The following CDKAL1 variants were observed in gnomAD, a reference collection of about 807,000 sequenced individuals.
CDKAL1 encodes the protein threonylcarbamoyladenosine tRNA methylthiotransferase.
In CDKAL1, 32 loss-of-function variants were observed where a neutral mutation model predicts 68.2. The observed-to-expected ratio is 0.47, with a 90% CI of 0.35 to 0.63. CDKAL1 has a LOEUF of 0.63. CDKAL1 is among the 30% of genes least tolerant of loss of function. The probability of loss-of-function intolerance (pLI) is 0.00; values close to 1 mark genes in which losing one functional copy is unlikely to be tolerated. For synonymous variants in CDKAL1, 234 were observed against 244.3 expected (o/e 0.96, Z 0.39); for missense variants, 606 against 696.7 (o/e 0.87, Z 1.47).
In CDKAL1 at chr6:20,587,272, C is replaced by A. The variant is rs543926781; in HGVS notation, c.286+38567C>A. On this transcript the variant is annotated intron_variant, in intron 4 of 15. Transcript: ENST00000274695. ...AAAGTGCTGGGATTACAGGCATGAG[C>A]TACCACGCCTGGCCTCCTTCTTTTC... Among the ~76,000 whole-genome samples the A allele has an allele frequency of 1.8e-3, 277 of 152,264 alleles. 1 individual carries two copies. The highest frequency in any genetic ancestry group is 6.1e-3 in the African/African-American group (252 of 41,556).
At chr6:20,609,401 C>CATTT in intron 4 of CDKAL1, among the ~76,000 whole-genome samples, 1 of 49,782 alleles carries the variant, frequency 2.0e-5, no homozygotes, top group South Asian at 5.9e-4. Flanking sequence ...TCTTCTTCTT[C>CATTT]TTTTTTTTTT....
rs142524670 is a variant in CDKAL1, at chr6:20,596,873, C to T, written c.286+48168C>T. On this transcript the variant is annotated intron_variant, in intron 4 of 15. Coordinates refer to ENST00000274695, the MANE Select transcript of CDKAL1 (RefSeq NM_017774.3). ...CTGTTCCTCTAGGCACAGTCCCTCA[C>T]GGCTTCCCTTGGCTAGGGGAGGGAG... Among the ~76,000 whole-genome samples, 1,053 of 152,298 alleles carry T rather than the reference C, an allele frequency of 6.9e-3. 10 individuals carry two copies. The highest frequency in any genetic ancestry group is 0.012 in the Non-Finnish European group (795 of 68,034).
At chr6:20,618,225 G>T (rs774831348) in intron 4 of CDKAL1, among the ~76,000 whole-genome samples, 1 of 152,194 alleles carries the variant, frequency 6.6e-6, no homozygotes, top group Non-Finnish European at 1.5e-5. Flanking sequence ...CTTTTGAGAA[G>T]TGTCCGTTCA....
In CDKAL1 at chr6:20,539,866, G is replaced by A. The variant is rs1290140992; in HGVS notation, c.-6+4472G>A. 1.3e-5 allele frequency among the ~76,000 whole-genome samples: 2 copies of A among 152,268 alleles called. No individual in the cohort carries two copies. Among genetic ancestry groups the A allele is most frequent in the East Asian group, 1.9e-4 (1 of 5,184 alleles). ...TGAAAATGTTCTTGTAGAGTTTAAGGATAGAAGCAAGGATATTAGGGATTG... is the reference window on the plus strand; with the variant it reads ...TGAAAATGTTCTTGTAGAGTTTAAGAATAGAAGCAAGGATATTAGGGATTG... On this transcript the variant is annotated intron_variant, in intron 2 of 15. Coordinates refer to ENST00000274695, the MANE Select transcript of CDKAL1 (RefSeq NM_017774.3). This position sits in a 1 kb window ranked among gnomAD's most constrained non-coding sequence, Gnocchi z 4.3.
intron 10 of CDKAL1, among the ~76,000 whole-genome samples, chr6:20,976,922 T>C (rs1418665614): frequency 1.3e-5 from 2 of 152,242 alleles, no homozygotes; most frequent in Non-Finnish European, 2.9e-5. Context: ...TAGGTTAATT[T>C]CCAGATTTCA....
At chr6:20,612,712 G>C (rs1032453891) in intron 4 of CDKAL1, among the ~76,000 whole-genome samples, 1 of 151,828 alleles carries the variant, frequency 6.6e-6, no homozygotes, top group Non-Finnish European at 1.5e-5. Context: ...TTTGTTCCTG[G>C]TTTTCTTGCT....
intron 4 of CDKAL1, among the ~76,000 whole-genome samples, chr6:20,581,024 G>C (rs1489619696): frequency 1.3e-5 from 2 of 152,116 alleles, no homozygotes; most frequent in African/African-American, 2.4e-5. Context: ...CCCGACCTCA[G>C]GTGATCCGCC....
At chr6:21,210,168 C>T (rs761239941) in intron 15 of CDKAL1, among the ~76,000 whole-genome samples, 7 of 152,148 alleles carry the variant, frequency 4.6e-5, no homozygotes, top group Non-Finnish European at 5.9e-5. Context: ...CTGTGTCAAG[C>T]ACTGCTTGGG....
chr6:20,891,230 A>G (rs114101913), intron 9 of CDKAL1, among the ~76,000 whole-genome samples: 4,257 of 152,248 alleles, frequency 0.028, 199 homozygotes, highest in African/African-American at 0.096. Flanking sequence ...ATGAGGTGTA[A>G]TCATGGCCCA....
intron 4 of CDKAL1, among the ~76,000 whole-genome samples, chr6:20,613,041 A>T (rs1037366605): frequency 8.4e-6 from 1 of 118,706 alleles, no homozygotes; most frequent in Non-Finnish European, 1.8e-5. Context: ...ACACACACAC[A>T]CACAAAGGGT....
intron 5 of CDKAL1, among the ~76,000 whole-genome samples, chr6:20,688,868 T>A (rs1770748032): frequency 6.6e-6 from 1 of 152,192 alleles, no homozygotes; most frequent in Admixed American, 6.5e-5. Context: ...AAATAGGTCT[T>A]CAGTGATGTG....
chr6:21,001,276 A>G (rs1416174045), intron 11 of CDKAL1, among the ~76,000 whole-genome samples: 1 of 152,222 alleles, frequency 6.6e-6, no homozygotes, highest in East Asian at 1.9e-4. Flanking sequence ...CCTTTGTACT[A>G]TGTCAGAGTA....
At chr6:20,764,621 A>T (rs919377679) in intron 7 of CDKAL1, among the ~76,000 whole-genome samples, 1 of 152,198 alleles carries the variant, frequency 6.6e-6, no homozygotes, top group African/African-American at 2.4e-5. Context: ...GTACTGTATC[A>T]AGTGTGGTTT....
At chr6:20,540,541 T>G (rs992328569) in intron 2 of CDKAL1, among the ~76,000 whole-genome samples, 12 of 151,968 alleles carry the variant, frequency 7.9e-5, no homozygotes, top group African/African-American at 2.9e-4. Context: ...CTGCAACCTC[T>G]GCCTCCTGGG....
rs148194809 is a variant in CDKAL1 at position 20,847,230 on chromosome 6, C to T, written c.742+1052C>T. The stretch of plus-strand genomic sequence containing the variant: ...CTAGTATTGAGAGAGAAATAAAGGA[C>T]ATTTACTGACTCTTGCTAGCATTCT... On this transcript the variant is annotated intron_variant, in intron 9 of 15. Transcript: ENST00000274695. Among the ~76,000 whole-genome samples, 457 of 152,296 alleles carry T rather than the reference C, an allele frequency of 3.0e-3. 5 individuals are homozygous for T. The highest frequency in any genetic ancestry group is 0.01 in the African/African-American group (418 of 41,576).
At chr6:21,023,726 T>C (rs1651425801) in intron 11 of CDKAL1, among the ~76,000 whole-genome samples, 1 of 152,242 alleles carries the variant, frequency 6.6e-6, no homozygotes, top group Non-Finnish European at 1.5e-5. Flanking sequence ...GGTTTTCATT[T>C]ATCTTAGAAC....
At chr6:20,886,367 C>G (rs1761067076) in intron 9 of CDKAL1, among the ~76,000 whole-genome samples, 1 of 152,046 alleles carries the variant, frequency 6.6e-6, no homozygotes, top group Non-Finnish European at 1.5e-5. Flanking sequence ...TAATATATGA[C>G]CCAGCAATTT....
At chr6:20,756,459 A>G (rs1331099270) in intron 6 of CDKAL1, among the ~76,000 whole-genome samples, 1 of 152,150 alleles carries the variant, frequency 6.6e-6, no homozygotes, top group Non-Finnish European at 1.5e-5. Context: ...GTAGTATTTG[A>G]CACTGTTGGT....
At chr6:20,544,982 TG>T (rs1763540689) in intron 2 of CDKAL1, among the ~76,000 whole-genome samples, 1 of 151,918 alleles carries the variant, frequency 6.6e-6, no homozygotes, top group African/African-American at 2.4e-5. Flanking sequence ...TGTGTGTGTG[TG>T]TGTGTGTGTG....
Sources: allele counts gnomAD v4.1 joint callset (sites outside exome capture counted in the v4.1 genomes callset), GRCh38; gene constraint gnomAD v4.1.1; non-coding constraint Gnocchi (gnomAD v3.1); transcripts MANE v1.5; gene names NCBI Gene and HGNC (gene_info 2026-07-23, HGNC 2026-07-21).